Variants in CYRIB observed in about 807,000 individuals in gnomAD.
CYRIB encodes CYFIP related Rac1 interactor B.
Under a neutral mutation model 44.2 loss-of-function variants are expected in CYRIB, and 8 were observed. The observed-to-expected ratio is 0.18, with a 90% CI of 0.11 to 0.33. The LOEUF (loss-of-function observed/expected upper bound fraction) is 0.33. Among genes scored for constraint, CYRIB ranks in the 10% least tolerant of loss-of-function variants. CYRIB has a pLI of 1.00. For synonymous variants in CYRIB, 131 were observed against 127.2 expected (o/e 1.03, Z -0.20); for missense variants, 185 against 382.8 (o/e 0.48, Z 4.31).
chr8:129,860,440 C>G (rs2048764394), intron 5 of CYRIB, among the ~76,000 whole-genome samples: 1 of 152,066 alleles, frequency 6.6e-6, no homozygotes, highest in Non-Finnish European at 1.5e-5. Context: ...AAGCTACAAA[C>G]TATAGAGACT....
intron 1 of CYRIB, among the ~76,000 whole-genome samples, chr8:129,990,054 A>G (rs1184203779): frequency 6.6e-6 from 1 of 152,144 alleles, no homozygotes; most frequent in Non-Finnish European, 1.5e-5. Flanking sequence ...TTTCCGAGGC[A>G]GTAAGAGGGC....
chr8:129,930,379 A>ATATATATATATATATATT (rs971468534), intron 1 of CYRIB, among the ~76,000 whole-genome samples: 5 of 130,108 alleles, frequency 3.8e-5, no homozygotes, highest in African/African-American at 8.5e-5. Context: ...ATATATATAT[A>ATATATATATATATATATT]TTTTAATTAT....
At chr8:129,942,585 G>C (rs2093792115), upstream of CYRIB, among the ~76,000 whole-genome samples, 1 of 152,160 alleles carries the variant, frequency 6.6e-6, no homozygotes, top group African/African-American at 2.4e-5. Flanking sequence ...GCATGAATGT[G>C]ATCATATTTT....
At chr8:129,894,924 TA>T (rs1317185706) in intron 2 of CYRIB, among the ~76,000 whole-genome samples, 3 of 149,088 alleles carry the variant, frequency 2.0e-5, no homozygotes, top group African/African-American at 7.4e-5. Flanking sequence ...TATATATATA[TA>T]TATATTTTTT....
At chr8:129,946,244 T>C (rs991471136) in intron 2 of CYRIB, among the ~76,000 whole-genome samples, 3 of 151,858 alleles carry the variant, frequency 2.0e-5, no homozygotes, top group Non-Finnish European at 4.4e-5. Flanking sequence ...AGACTCTATA[T>C]TTTGCTGCCA....
chr8:129,854,345 T>TGAAGAAGACAGTTGA lies in CYRIB; in HGVS notation c.439-3_439-2insTCAACTGTCTTCTTC. 1 of 1,604,190 alleles carries TGAAGAAGACAGTTGA rather than the reference T, an allele frequency of 6.2e-7. No individual in the cohort carries two copies. The highest frequency in any genetic ancestry group is 1.3e-5 in the African/African-American group (1 of 74,516). On this transcript the variant is annotated splice_polypyrimidine_tract_variant and splice_region_variant and intron_variant, in intron 6 of 11. Transcript: ENST00000519824. ...ATTCTGTATGGCAGGATTTGTCATC[T>TGAAGAAGACAGTTGA]GAAGAAGACAGTTGTGGAAAAAAAA...
chr8:129,935,700 TA>T (rs2092681871), intron 1 of CYRIB, among the ~76,000 whole-genome samples: 1 of 152,168 alleles, frequency 6.6e-6, no homozygotes, highest in Non-Finnish European at 1.5e-5. Flanking sequence ...ATTACTGCAT[TA>T]GCAGAAAATA....
At chr8:129,956,789 C>T (rs1239046109) in intron 2 of CYRIB, among the ~76,000 whole-genome samples, 5 of 151,780 alleles carry the variant, frequency 3.3e-5, no homozygotes, top group African/African-American at 4.8e-5. Context: ...ACATTTAAGC[C>T]TATTTTTCCT....
intron 2 of CYRIB, among the ~76,000 whole-genome samples, chr8:129,897,372 T>C (rs2068603916): frequency 6.6e-6 from 1 of 152,086 alleles, no homozygotes; most frequent in Non-Finnish European, 1.5e-5. Context: ...ACAATCCTTG[T>C]ATTAAACTGA....
chr8:129,901,160 T>A (rs914477784), intron 2 of CYRIB, among the ~76,000 whole-genome samples: 1 of 152,182 alleles, frequency 6.6e-6, no homozygotes, highest in Non-Finnish European at 1.5e-5. Flanking sequence ...TCTGTTATTA[T>A]GGACCAGCAA....
chr8:129,922,320 G>C (rs1490548161), intron 1 of CYRIB, among the ~76,000 whole-genome samples: 2 of 152,160 alleles, frequency 1.3e-5, no homozygotes, highest in African/African-American at 4.8e-5. Flanking sequence ...ATAGAAAACT[G>C]TAATTTCCTT....
At chr8:129,983,608 CCCCA>C (rs1356201736) in intron 1 of CYRIB, among the ~76,000 whole-genome samples, 1 of 152,216 alleles carries the variant, frequency 6.6e-6, no homozygotes, top group Non-Finnish European at 1.5e-5. Context: ...CCCCACACAG[CCCCA>C]CCGGCAGGAA....
chr8:129,950,602 C>T lies in CYRIB; in HGVS notation c.-243+20341G>A, dbSNP rs1033571115. Among the ~76,000 whole-genome samples, 20 of 151,960 alleles carry T rather than the reference C, an allele frequency of 1.3e-4. 1 individual carries two copies. The highest frequency in any genetic ancestry group is 4.3e-4 in the African/African-American group (18 of 41,468). The stretch of plus-strand genomic sequence containing the variant: ...AAAAAAAATGAAGAAACTAATGGTA[C>T]TCATTGTCAGATGTAAATTATTTCA... On this transcript the variant is annotated intron_variant, in intron 2 of 14. Transcript: ENST00000401979.
Position 129,863,473 on chromosome 8 carries a change from C to T in CYRIB, c.196-1139G>A, listed in dbSNP as rs186903092. Among the ~76,000 whole-genome samples, 238 of 151,220 alleles carry T rather than the reference C, an allele frequency of 1.6e-3. 1 individual carries two copies. The highest frequency in any genetic ancestry group is 4.3e-3 in the Admixed American group (65 of 15,182). Reference sequence around the variant, plus strand: ...CCGGGAAGTGGAGGCTGCAGTGAGCCGAGATCATGCCATTGCCCTCTAGCC... The same window carrying T: ...CCGGGAAGTGGAGGCTGCAGTGAGCTGAGATCATGCCATTGCCCTCTAGCC... On this transcript the variant is annotated intron_variant, in intron 4 of 11. Transcript: ENST00000519824.
intron 4 of CYRIB, among the ~76,000 whole-genome samples, chr8:129,869,734 T>C (rs1197545232): frequency 1.3e-5 from 2 of 152,204 alleles, no homozygotes; most frequent in Non-Finnish European, 2.9e-5. Context: ...CCCTTGTATT[T>C]ATTTGTTCAA....
At chr8:129,901,120 A>AT (rs1367257915) in intron 2 of CYRIB, among the ~76,000 whole-genome samples, 1 of 152,186 alleles carries the variant, frequency 6.6e-6, no homozygotes, top group African/African-American at 2.4e-5. Context: ...CACCTGGCTA[A>AT]TTTTTTGTAT....
At chr8:129,882,914 T>C (rs971452383) in intron 2 of CYRIB, among the ~76,000 whole-genome samples, 1 of 151,872 alleles carries the variant, frequency 6.6e-6, no homozygotes, top group African/African-American at 2.4e-5. Context: ...AATGGCTCAG[T>C]TGGCTGGGCG....
intron 1 of CYRIB, among the ~76,000 whole-genome samples, chr8:129,932,300 T>C (rs1219621378): frequency 6.6e-6 from 1 of 152,156 alleles, no homozygotes; most frequent in Non-Finnish European, 1.5e-5. Flanking sequence ...AGAATGTTTG[T>C]AGAGTGAACA....
chr8:129,851,403 G>T, intron 8 of CYRIB: 1 of 155,254 alleles, frequency 6.4e-6, no homozygotes, highest in South Asian at 2.0e-4. Context: ...TGATGTGGCT[G>T]GTGGCAAGAA....
Sources: allele counts gnomAD v4.1 joint callset (sites outside exome capture counted in the v4.1 genomes callset), GRCh38; gene constraint gnomAD v4.1.1; transcripts MANE v1.5; gene names NCBI Gene and HGNC (gene_info 2026-07-23, HGNC 2026-07-21).